Variants in AVIL observed in about 807,000 individuals in gnomAD.
The protein encoded by AVIL is advillin.
A neutral mutation model predicts 109.9 loss-of-function variants in AVIL; 78 were observed. The observed-to-expected ratio is 0.71, with a 90% CI of 0.59 to 0.86. AVIL has a LOEUF of 0.86. Ranked by LOEUF, AVIL falls within the 40% of genes least tolerant of loss-of-function variation. AVIL has a pLI of 0.00. For synonymous variants in AVIL, 367 were observed against 379.1 expected (o/e 0.97, Z 0.37); for missense variants, 892 against 1,016.5 (o/e 0.88, Z 1.67).
Position 57,808,500 on chromosome 12 carries a change from C to CG in AVIL, c.987dup (p.Val330ArgfsTer6). The CG allele has an allele frequency of 6.2e-7, 1 of 1,614,138 alleles. No homozygotes were observed. The highest frequency in any genetic ancestry group is 8.5e-7 in the Non-Finnish European group (1 of 1,180,028). ...ATGGCCGACTCAGCACCATCGTTGA[C>CG]GGTCTCCACATTGGTGCTGCTGGGG... On this transcript the variant is annotated frameshift_variant, in exon 10 of 20. Transcript: ENST00000549994. LOFTEE classifies it high-confidence loss of function.
Position 57,803,257 on chromosome 12 carries a change from G to GT in AVIL, c.1951dup (p.Thr651AsnfsTer12), listed in dbSNP as rs1256559388. On this transcript the variant is annotated frameshift_variant, in exon 16 of 20. Coordinates refer to ENST00000549994, the MANE Select transcript of AVIL (RefSeq NM_006576.4). LOFTEE classifies it high-confidence loss of function. Reference sequence around the variant, plus strand: ...GCAGCTGTGTCTTACCTGGTCCCAGGTATCTAGGAGCATCACGTCAGTAGG... The same window carrying GT: ...GCAGCTGTGTCTTACCTGGTCCCAGGTTATCTAGGAGCATCACGTCAGTAGG... 11 of 1,614,074 alleles carry GT rather than the reference G, an allele frequency of 6.8e-6. No homozygotes were observed. The highest frequency in any genetic ancestry group is 9.3e-6 in the Non-Finnish European group (11 of 1,179,988).
rs774735471 is a variant in AVIL, at chr12:57,809,579, C to T, written c.939+18G>A. The T allele has an allele frequency of 3.7e-6, 6 of 1,613,820 alleles. No individual in the cohort carries two copies. The highest frequency in any genetic ancestry group is 5.1e-6 in the Non-Finnish European group (6 of 1,179,674). The stretch of plus-strand genomic sequence containing the variant: ...TAGCAGAATTATTTGAACAGTATTG[C>T]ACATCTGTAGCTCCTACCAGCGCTT... On this transcript the variant is annotated intron_variant, in intron 9 of 19. Transcript: ENST00000549994.
At chr12:57,811,374 C>G (rs1462603615) in intron 4 of AVIL, among the ~76,000 whole-genome samples, 3 of 152,064 alleles carry the variant, frequency 2.0e-5, no homozygotes, top group Non-Finnish European at 4.4e-5. Flanking sequence ...GAACCAATAC[C>G]CAGAAGAATA....
At chr12:57,818,257 T>C (rs1956121739) in intron 1 of AVIL, among the ~76,000 whole-genome samples, 2 of 128,732 alleles carry the variant, frequency 1.6e-5, no homozygotes, top group African/African-American at 2.9e-5. Flanking sequence ...GGTCACAAGT[T>C]ACAAACTCCT....
chr12:57,814,985 C>T (rs1565839246), intron 2 of AVIL: 1 of 152,330 alleles, frequency 6.6e-6, no homozygotes, highest in Non-Finnish European at 1.5e-5. Flanking sequence ...GGGAGTCTCC[C>T]TGTGTCTCCC....
Position 57,801,232 on chromosome 12 carries a change from AAC to A in AVIL, c.2152-22_2152-21del. 3 of 1,606,856 alleles carry A rather than the reference AAC, an allele frequency of 1.9e-6. No individual in the cohort carries two copies. Among genetic ancestry groups the A allele is most frequent in the Non-Finnish European group, 2.6e-6 (3 of 1,174,056 alleles). On this transcript the variant is annotated intron_variant, in intron 17 of 19. Transcript: ENST00000549994. Reference sequence around the variant, plus strand: ...TCCTGCCTGAGAAGAAGAGAGAGAAAACACAGGATGAGGTCTTTCTTATAGGG... The same window carrying A: ...TCCTGCCTGAGAAGAAGAGAGAGAAAACAGGATGAGGTCTTTCTTATAGGG...
chr12:57,810,589 G>A (rs752971268), intron 6 of AVIL, 38 bp from the exon 7 acceptor site: 6 of 1,607,080 alleles, frequency 3.7e-6, no homozygotes, highest in Non-Finnish European at 5.1e-6. Context: ...AGCTCCTCTG[G>A]GACCCCTTTC....
chr12:57,801,170 C>T lies in AVIL; in HGVS notation c.2194G>A (p.Ala732Thr). 2 of 1,613,712 alleles carry T rather than the reference C, an allele frequency of 1.2e-6. No homozygotes were observed. Residue 732 changes from alanine to threonine, a missense_variant, in exon 18 of 20, where the codon GCT (alanine) becomes ACT (threonine). Physicochemically the swap from Ala to Thr is moderately conservative, Grantham distance 58. Coordinates refer to ENST00000549994, the MANE Select transcript of AVIL (RefSeq NM_006576.4). ...GCAGTGATTCGCATGATAGCAGCAG[C>T]ATCTCCCAGCTCTTCTTTTAATTGT... ...YEQLKEELGD[A>T]AAIMRITADM...
chr12:57,808,286 A>T lies in AVIL; in HGVS notation c.1102T>A (p.Phe368Ile), dbSNP rs1362323031. ...TFSIGKIAKV[F>I]QDKFDVTLLH... ...AGAGTCACATCAAATTTATCCTGGA[A>T]AACTTTAGCTGTGGAGAAAGGGTTG... Residue 368 changes from phenylalanine (F) to isoleucine (I), a missense_variant, in exon 11 of 20, where the codon TTC (phenylalanine) becomes ATC (isoleucine). Phe to Ile is a conservative substitution (Grantham distance 21). Transcript: ENST00000549994. 8 of 1,614,190 alleles carry T rather than the reference A, an allele frequency of 5.0e-6. No individual in the cohort carries two copies. In the South Asian group the frequency reaches 7.7e-5, roughly 16 times the overall value.
At chr12:57,809,523 G>A (rs1956005377) in intron 9 of AVIL, 74 bp downstream of exon 9, 1 of 1,519,468 alleles carries the variant, frequency 6.6e-7, no homozygotes, top group East Asian at 2.3e-5. Context: ...ACCTAGCATG[G>A]CTCTGTGGAG....
Position 57,806,210 on chromosome 12 carries a change from ATCT to A in AVIL, c.1671+147_1671+149del. ...CCATCCTTGCACAGGGACCATGCTAATCTTCTCTGTATCATTCCAGTTTTAGTA... is the reference window on the plus strand; with the variant it reads ...CCATCCTTGCACAGGGACCATGCTAATCTCTGTATCATTCCAGTTTTAGTA... On this transcript the variant is annotated intron_variant, in intron 14 of 19. Coordinates refer to ENST00000549994, the MANE Select transcript of AVIL (RefSeq NM_006576.4). 4 of 728,606 alleles carry A rather than the reference ATCT, an allele frequency of 5.5e-6. No homozygotes were observed. In the South Asian group the frequency reaches 6.3e-5, roughly 11 times the overall value. 45.1% of individuals were successfully genotyped at this position (728,606 alleles called of 1,614,324 possible).
intron 19 of AVIL, among the ~76,000 whole-genome samples, chr12:57,798,925 TTC>T (rs1230434744): frequency 6.6e-6 from 1 of 152,210 alleles, no homozygotes; most frequent in Non-Finnish European, 1.5e-5. Context: ...AAGAAATTTA[TTC>T]TTTTAACTCA....
At position 57,810,549 on chromosome 12, in the gene AVIL, A is replaced by T; in HGVS notation, c.561T>A (p.Ala187=). 6.2e-7 allele frequency: 1 copy of T among 1,613,138 alleles called. No individual in the cohort carries two copies. Among genetic ancestry groups the T allele is most frequent in the South Asian group, 1.1e-5 (1 of 91,054 alleles). The change falls in exon 7 of 20, where the codon GCT becomes GCA. Residue 187 remains alanine (A), a splice_region_variant and synonymous_variant. Coordinates refer to ENST00000549994, the MANE Select transcript of AVIL (RefSeq NM_006576.4). ...PESNSGERLK[A]MLLAKDIRDR... ...CTCGAATATCCTTTGCCAGAAGCAT[A>T]GCCTGTCAAAGAAGCCCAAGGAAGC...
At chr12:57,808,321 G>C (rs114657677) in intron 10 of AVIL, 27 bp from the exon 11 acceptor site, 1 of 1,614,092 alleles carries the variant, frequency 6.2e-7, no homozygotes, top group East Asian at 2.2e-5. Flanking sequence ...GGGAAAAGCC[G>C]AGTGAGTAAG....
chr12:57,799,687 A>C (rs1955806875), intron 19 of AVIL, 108 bp downstream of exon 19: 2 of 1,492,736 alleles, frequency 1.3e-6, no homozygotes, highest in East Asian at 2.3e-5. Context: ...TCAGATGTCC[A>C]TTGAGCGGCT....
Position 57,810,354 on chromosome 12 carries a change from C to A in AVIL, c.756G>T (p.Leu252Phe). 6.2e-7 allele frequency: 1 copy of A among 1,614,172 alleles called. No individual in the cohort carries two copies. Among genetic ancestry groups the A allele is most frequent in the Non-Finnish European group, 8.5e-7 (1 of 1,180,032 alleles). The change falls in exon 7 of 20, where the codon TTG (leucine) becomes TTT (phenylalanine). Residue 252 changes from leucine to phenylalanine, a missense_variant. Physicochemically the swap from Leu to Phe is conservative, Grantham distance 22 (BLOSUM62 0). Transcript: ENST00000549994. The stretch of plus-strand genomic sequence containing the variant: ...AACCAGGTTGAGCTACTCACTGATA[C>A]AACATGATAGTTGATTTCTGCTTCT... ...IDQKQKSTIM[L>F]YHISDSAGQL...
Position 57,816,102 on chromosome 12 carries a change from A to G in AVIL, c.-19-43T>C, listed in dbSNP as rs531429815. On this transcript the variant is annotated intron_variant, in intron 1 of 19. Coordinates refer to ENST00000549994, the MANE Select transcript of AVIL (RefSeq NM_006576.4). ...AAGAGGGGAGATGATATCTCTTGCC[A>G]TAGTGGGCATCAATCCAGTTTTTCT... is the stretch of plus-strand genomic sequence containing the variant. The G allele has an allele frequency of 3.4e-5, 51 of 1,509,284 alleles. 2 individuals are homozygous for G. In the South Asian group the frequency reaches 4.7e-4, roughly 14 times the overall value. The allele number at this position is 1,509,284 out of a possible 1,614,324, so 93.5% of individuals were successfully genotyped here.
chr12:57,799,060 A>G (rs1221277710), intron 19 of AVIL, among the ~76,000 whole-genome samples: 3 of 152,318 alleles, frequency 2.0e-5, no homozygotes, highest in East Asian at 3.9e-4. Flanking sequence ...CCTTTTAAGG[A>G]TATTACTAGA....
intron 19 of AVIL, among the ~76,000 whole-genome samples, 162 bp downstream of exon 19, chr12:57,799,629 GAATC>G (rs1298509851): frequency 6.6e-6 from 1 of 152,182 alleles, no homozygotes; most frequent in Non-Finnish European, 1.5e-5. Flanking sequence ...GGAGAGAAAA[GAATC>G]AAGAAAGAAC....
Sources: gnomAD v4.1 joint callset for allele counts (sites outside exome capture counted in the v4.1 genomes callset) on GRCh38, gnomAD v4.1.1 for gene constraint, MANE v1.5 for transcripts, NCBI Gene and HGNC (gene_info 2026-07-23, HGNC 2026-07-21) for gene names.